LARGE1: variants seen among roughly 807,000 people sequenced by gnomAD.
The protein encoded by LARGE1 is LARGE xylosyl- and glucuronyltransferase 1, also known as xylosyl- and glucuronyltransferase LARGE1.
In LARGE1, 43 loss-of-function variants were observed where a neutral mutation model predicts 87.6. That is an observed-to-expected ratio of 0.49 (90% CI 0.38 to 0.63). LARGE1 has a LOEUF of 0.63. Among genes scored for constraint, LARGE1 ranks in the 30% least tolerant of loss-of-function variants. The probability of loss-of-function intolerance (pLI) is 0.00; values close to 1 mark genes in which losing one functional copy is unlikely to be tolerated. For synonymous variants in LARGE1, 434 were observed against 394.6 expected (o/e 1.10, Z -1.18); for missense variants, 802 against 1,000.2 (o/e 0.80, Z 2.67).
At chr22:33,921,867 G>T (rs2065957841), upstream of LARGE1, among the ~76,000 whole-genome samples, 1 of 152,050 alleles carries the variant, frequency 6.6e-6, no homozygotes, top group African/African-American at 2.4e-5. The surrounding 1 kb of genome is among the most constrained non-coding windows in gnomAD (Gnocchi z 4.1). Flanking sequence ...GCACAGGAGC[G>T]GGGGTGTGAG....
chr22:33,304,841 T>C (rs1934656153), intron 11 of LARGE1, among the ~76,000 whole-genome samples: 1 of 152,138 alleles, frequency 6.6e-6, no homozygotes, highest in African/African-American at 2.4e-5. Context: ...CACTTCTCTC[T>C]CCACAAAGGT....
At chr22:33,900,483 T>TA (rs1391329900) in intron 1 of LARGE1, among the ~76,000 whole-genome samples, 1 of 152,216 alleles carries the variant, frequency 6.6e-6, no homozygotes, top group Non-Finnish European at 1.5e-5. Flanking sequence ...ACTCAGGGGA[T>TA]ACGATTTCTA....
intron 12 of LARGE1, among the ~76,000 whole-genome samples, chr22:33,288,934 A>G (rs1010982256): frequency 6.6e-6 from 1 of 151,846 alleles, no homozygotes; most frequent in Non-Finnish European, 1.5e-5. Flanking sequence ...CTACTATAGT[A>G]TATTGGATCA....
the LARGE1 span, among the ~76,000 whole-genome samples, chr22:33,127,560 C>A: frequency 6.6e-6 from 1 of 152,194 alleles, no homozygotes; most frequent in Non-Finnish European, 1.5e-5. Flanking sequence ...TTAAATATTT[C>A]ATCTCTAGTT....
intron 7 of LARGE1, among the ~76,000 whole-genome samples, chr22:33,387,445 AAG>A (rs2065366920): frequency 6.7e-6 from 1 of 149,060 alleles, no homozygotes; most frequent in Non-Finnish European, 1.5e-5. Flanking sequence ...AAAAAAAAAA[AAG>A]AAAGAAAGAA....
intron 5 of LARGE1, among the ~76,000 whole-genome samples, chr22:33,571,640 T>C (rs751805251): frequency 6.6e-6 from 1 of 152,198 alleles, no homozygotes; most frequent in Non-Finnish European, 1.5e-5. Flanking sequence ...ATAGAAAATA[T>C]GCCTAGCACG....
intron 1 of LARGE1, among the ~76,000 whole-genome samples, chr22:33,768,575 G>A (rs942530148): frequency 1.6e-4 from 24 of 151,940 alleles, no homozygotes; most frequent in Admixed American, 1.4e-3. Flanking sequence ...GTCTAGTCCC[G>A]GAGGCTCTCC....
At chr22:33,800,992 T>G (rs2086143462) in intron 1 of LARGE1, among the ~76,000 whole-genome samples, 1 of 152,176 alleles carries the variant, frequency 6.6e-6, no homozygotes. Flanking sequence ...CCATGTGTTG[T>G]GGGAGGGACC....
At chr22:33,629,610 C>A (rs761711067) in intron 3 of LARGE1, among the ~76,000 whole-genome samples, 4 of 151,930 alleles carry the variant, frequency 2.6e-5, no homozygotes, top group African/African-American at 4.8e-5. Context: ...ATGAGTGGGG[C>A]AGGGGTTGGA....
chr22:33,234,559 GA>G (rs1264251576), intron 11 of LARGE1, among the ~76,000 whole-genome samples: 3 of 148,088 alleles, frequency 2.0e-5, no homozygotes, highest in African/African-American at 7.6e-5. Flanking sequence ...TTTGTTTTTT[GA>G]GACAGAGTTT....
intron 1 of LARGE1, among the ~76,000 whole-genome samples, chr22:33,883,175 G>A (rs1293593618): frequency 1.3e-5 from 2 of 152,242 alleles, no homozygotes; most frequent in Non-Finnish European, 1.5e-5. Flanking sequence ...GATGCAAAGG[G>A]CCATGCACAC....
chr22:33,919,113 A>T (rs2065869472), intron 1 of LARGE1, among the ~76,000 whole-genome samples: 1 of 151,984 alleles, frequency 6.6e-6, no homozygotes, highest in Non-Finnish European at 1.5e-5. Context: ...AAAAAAAAAA[A>T]AAAAAAGAGT....
At chr22:33,419,446 G>A (rs1001518251) in intron 7 of LARGE1, among the ~76,000 whole-genome samples, 4 of 151,838 alleles carry the variant, frequency 2.6e-5, no homozygotes, top group African/African-American at 7.3e-5. Flanking sequence ...CCAAGTACAC[G>A]CCTGCTTGGT....
intron 5 of LARGE1, among the ~76,000 whole-genome samples, chr22:33,594,690 T>C (rs2148935012): frequency 6.6e-6 from 1 of 152,312 alleles, no homozygotes; most frequent in South Asian, 2.1e-4. Context: ...CACTGCAACC[T>C]CCGCCTCCTG....
chr22:33,732,293 C>T, intron 2 of LARGE1: 1 of 152,092 alleles, frequency 6.6e-6, no homozygotes, highest in Admixed American at 6.6e-5. Flanking sequence ...CTGGGGAATC[C>T]CTGGCCTCCC....
At position 33,592,225 on chromosome 22, in the gene LARGE1, A is replaced by T. The variant is rs76045795; in HGVS notation, c.615+12210T>A. Reference sequence around the variant, plus strand: ...CTCCCATATTTAGGTGTTAAGATTCATTTCAAGTTAATTTTTGTATGTGGA... The same window carrying T: ...CTCCCATATTTAGGTGTTAAGATTCTTTTCAAGTTAATTTTTGTATGTGGA... On this transcript the variant is annotated intron_variant, in intron 5 of 14. Transcript: ENST00000397394. Among the ~76,000 whole-genome samples, 793 of 149,916 alleles carry T rather than the reference A, an allele frequency of 5.3e-3. 5 individuals are homozygous for T. The highest frequency in any genetic ancestry group is 0.019 in the African/African-American group (764 of 40,180).
At chr22:33,722,495 C>T (rs548726183) in intron 2 of LARGE1, among the ~76,000 whole-genome samples, 2 of 152,186 alleles carry the variant, frequency 1.3e-5, no homozygotes, top group East Asian at 3.9e-4. Flanking sequence ...GTGACAAATA[C>T]AACGGTAAAA....
chr22:33,506,531 T>C (rs781325224), intron 6 of LARGE1, among the ~76,000 whole-genome samples: 6 of 152,238 alleles, frequency 3.9e-5, no homozygotes, highest in Non-Finnish European at 7.3e-5. Flanking sequence ...AGATGTTCTC[T>C]TTCTTACGTC....
At chr22:33,492,194 A>AG (rs1370735276) in intron 6 of LARGE1, among the ~76,000 whole-genome samples, 1 of 152,200 alleles carries the variant, frequency 6.6e-6, no homozygotes, top group Non-Finnish European at 1.5e-5. Context: ...GGGAGATGCA[A>AG]GGGAGGCATG....
Sources: allele counts gnomAD v4.1 joint callset (sites outside exome capture counted in the v4.1 genomes callset), GRCh38; gene constraint gnomAD v4.1.1; non-coding constraint Gnocchi (gnomAD v3.1); transcripts MANE v1.5; gene names NCBI Gene and HGNC (gene_info 2026-07-23, HGNC 2026-07-21).